PRKCA: variants seen among roughly 807,000 people sequenced by gnomAD.
PRKCA encodes the protein protein kinase C alpha type.
A neutral mutation model predicts 87.0 loss-of-function variants in PRKCA; 27 were observed. The observed-to-expected ratio is 0.31, with a 90% CI of 0.23 to 0.43. The LOEUF (loss-of-function observed/expected upper bound fraction) is 0.43. PRKCA is among the 20% of genes least tolerant of loss of function. The pLI is 1.00. For missense variants in PRKCA, 518 were observed against 852.3 expected (o/e 0.61, Z 4.88); for synonymous variants, 329 against 311.1 (o/e 1.06, Z -0.61).
chr17:66,593,532 G>T (rs1969880165), intron 3 of PRKCA, among the ~76,000 whole-genome samples: 1 of 152,216 alleles, frequency 6.6e-6, no homozygotes. Context: ...CCAGCTGGAG[G>T]CCACATGCAC....
At chr17:66,782,640 C>A (rs28412064) in intron 14 of PRKCA, among the ~76,000 whole-genome samples, 18,929 of 152,228 alleles carry the variant, frequency 0.12, 1,361 homozygotes, top group African/African-American at 0.19. Flanking sequence ...TGCCCCACCC[C>A]CTTCATTTTC....
At position 66,661,929 on chromosome 17, in the gene PRKCA, C is replaced by T. The variant is rs572628096; in HGVS notation, c.529+16418C>T. On this transcript the variant is annotated intron_variant, in intron 5 of 16. Coordinates refer to ENST00000413366, the MANE Select transcript of PRKCA (RefSeq NM_002737.3). ...CTGCGGCAGCTTTTTCTGCAGGCCACGTTGCTGCCTTGGCAGACCCTCACC... is the reference window on the plus strand; with the variant it reads ...CTGCGGCAGCTTTTTCTGCAGGCCATGTTGCTGCCTTGGCAGACCCTCACC... Among the ~76,000 whole-genome samples the T allele has an allele frequency of 3.3e-5, 5 of 152,324 alleles. No homozygotes were observed. In the South Asian group the frequency reaches 8.3e-4, roughly 25 times the overall value.
intron 5 of PRKCA, among the ~76,000 whole-genome samples, chr17:66,683,090 G>A (rs1484000209): frequency 6.6e-6 from 1 of 152,176 alleles, no homozygotes; most frequent in Non-Finnish European, 1.5e-5. Flanking sequence ...ACACACTAGC[G>A]CTTGTTAATT....
chr17:66,623,259 A>T (rs1274216475), intron 3 of PRKCA, among the ~76,000 whole-genome samples: 1 of 152,182 alleles, frequency 6.6e-6, no homozygotes, highest in African/African-American at 2.4e-5. Context: ...ATCCTTAATT[A>T]CTGACCTCAG....
intron 3 of PRKCA, among the ~76,000 whole-genome samples, chr17:66,627,279 G>A (rs934994465): frequency 6.6e-6 from 1 of 152,118 alleles, no homozygotes; most frequent in Non-Finnish European, 1.5e-5. Flanking sequence ...AGGATTGGAA[G>A]TCTCTGATGC....
At chr17:66,640,841 A>C in intron 3 of PRKCA, 2 of 403,058 alleles carry the variant, frequency 5.0e-6, no homozygotes, top group South Asian at 3.6e-5. Context: ...CCATAAATAG[A>C]GGAAACATAG....
At chr17:66,549,649 G>C (rs1219725231) in intron 3 of PRKCA, among the ~76,000 whole-genome samples, 1 of 152,114 alleles carries the variant, frequency 6.6e-6, no homozygotes, top group Non-Finnish European at 1.5e-5. Flanking sequence ...CTCTGGTGGT[G>C]GTTCTAACCC....
chr17:66,426,057 G>A lies in PRKCA; in HGVS notation c.206-70144G>A, dbSNP rs536870994. On this transcript the variant is annotated intron_variant, in intron 2 of 16. Transcript: ENST00000413366. The stretch of plus-strand genomic sequence containing the variant: ...TCACACCCAGGCCTCCTTTGTCTAC[G>A]TTGGATTACTTTTTCTGTGTCTACC... Among the ~76,000 whole-genome samples, 9 of 152,284 alleles carry A rather than the reference G, an allele frequency of 5.9e-5. No individual in the cohort carries two copies. In the South Asian group the frequency reaches 1.7e-3, roughly 28 times the overall value.
At position 66,305,638 on chromosome 17, in the gene PRKCA, CAT is replaced by C. The variant is rs554148810; in HGVS notation, c.174-457_174-456del. 1.3e-4 allele frequency among the ~76,000 whole-genome samples: 20 copies of C among 152,298 alleles called. No individual in the cohort carries two copies. In the South Asian group the frequency reaches 3.1e-3, roughly 24 times the overall value. ...GTGATGCCGTTTGGCAGTTTCTAGA[CAT>C]GTGATATTTTAAACAAAAAGAAGCC... On this transcript the variant is annotated intron_variant, in intron 1 of 16. Transcript: ENST00000413366.
intron 3 of PRKCA, among the ~76,000 whole-genome samples, chr17:66,577,896 G>A (rs1262605254): frequency 1.3e-5 from 2 of 151,894 alleles, no homozygotes; most frequent in African/African-American, 4.8e-5. Flanking sequence ...ATAAGTCATC[G>A]TTTTCAATCC....
At chr17:66,411,941 A>G (rs929244424) in intron 2 of PRKCA, among the ~76,000 whole-genome samples, 1 of 151,988 alleles carries the variant, frequency 6.6e-6, no homozygotes, top group Non-Finnish European at 1.5e-5. Flanking sequence ...TAATAAAATG[A>G]GAAGTATGGA....
chr17:66,687,948 A>G (rs561016014), intron 6 of PRKCA, among the ~76,000 whole-genome samples: 4 of 152,350 alleles, frequency 2.6e-5, no homozygotes, highest in South Asian at 2.1e-4. Flanking sequence ...GCTCTGCTCT[A>G]TAAAGGATCA....
intron 2 of PRKCA, among the ~76,000 whole-genome samples, chr17:66,437,731 T>TTTTTTTTTTTTTGGG (rs55779501): frequency 9.0e-4 from 10 of 11,162 alleles, no homozygotes; most frequent in Non-Finnish European, 1.3e-3. Flanking sequence ...TTTTTTTTTT[T>TTTTTTTTTTTTTGGG]GAGCGGGGGG....
intron 3 of PRKCA, among the ~76,000 whole-genome samples, chr17:66,511,104 G>T (rs980836874): frequency 6.6e-6 from 1 of 152,016 alleles, no homozygotes; most frequent in African/African-American, 2.4e-5. Flanking sequence ...AATGCCTTTA[G>T]GAAAGCAGTA....
chr17:66,626,648 G>A (rs1183070381), intron 3 of PRKCA, among the ~76,000 whole-genome samples: 5 of 151,944 alleles, frequency 3.3e-5, no homozygotes, highest in Admixed American at 6.6e-5. Flanking sequence ...GGGATTACAG[G>A]CGTGAGCCAT....
chr17:66,476,392 C>T (rs1250620823), intron 2 of PRKCA, among the ~76,000 whole-genome samples: 1 of 152,202 alleles, frequency 6.6e-6, no homozygotes, highest in Admixed American at 6.5e-5. Flanking sequence ...CTGTCCTGGT[C>T]AAGCTGGGTT....
At chr17:66,389,293 C>A (rs1360627766) in intron 2 of PRKCA, among the ~76,000 whole-genome samples, 12 of 152,114 alleles carry the variant, frequency 7.9e-5, no homozygotes, top group Admixed American at 7.9e-4. Context: ...AAGAGAGGAG[C>A]ACGACTCACT....
At chr17:66,712,650 G>A (rs1309768587) in intron 8 of PRKCA, among the ~76,000 whole-genome samples, 1 of 152,138 alleles carries the variant, frequency 6.6e-6, no homozygotes, top group Non-Finnish European at 1.5e-5. Flanking sequence ...GCTGGGCAAC[G>A]TGGCTGTCAC....
intron 3 of PRKCA, among the ~76,000 whole-genome samples, chr17:66,519,332 G>A (rs1967078696): frequency 6.6e-6 from 1 of 152,162 alleles, no homozygotes; most frequent in African/African-American, 2.4e-5. Flanking sequence ...GTGCTTGGAG[G>A]CCTCTAGCTA....
Sources: gnomAD v4.1 joint callset for allele counts (sites outside exome capture counted in the v4.1 genomes callset) on GRCh38, gnomAD v4.1.1 for gene constraint, MANE v1.5 for transcripts, NCBI Gene and HGNC (gene_info 2026-07-23, HGNC 2026-07-21) for gene names.